Variants in SCAPER observed in about 807,000 individuals in gnomAD.
The protein encoded by SCAPER is S phase cyclin A-associated protein in the endoplasmic reticulum.
SCAPER carries 98 observed loss-of-function variants against 182.2 expected under a neutral mutation model. That is an observed-to-expected ratio of 0.54 (90% CI 0.46 to 0.64). SCAPER has a LOEUF of 0.64. Among genes scored for constraint, SCAPER ranks in the 30% least tolerant of loss-of-function variants. The pLI, the probability that SCAPER is intolerant of heterozygous loss-of-function variation, is 0.00. For missense variants in SCAPER, 1,432 were observed against 1,690.0 expected (o/e 0.85, Z 2.68); for synonymous variants, 605 against 564.6 (o/e 1.07, Z -1.01).
intron 20 of SCAPER, among the ~76,000 whole-genome samples, chr15:76,677,459 G>C (rs2057432486): frequency 6.6e-6 from 1 of 151,764 alleles, no homozygotes; most frequent in South Asian, 2.1e-4. Context: ...TTCCTAATTA[G>C]TAAAATTAAG....
In SCAPER at chr15:76,719,113, G is replaced by A. The variant is rs7177491; in HGVS notation, c.2165+9482C>T. ...ATATTTGCACTTCCATGTTTCCTAT[G>A]GCATTATTCATAATAGCCAAGATAT... On this transcript the variant is annotated intron_variant, in intron 17 of 31. Coordinates refer to ENST00000563290, the MANE Select transcript of SCAPER (RefSeq NM_020843.4). Among the ~76,000 whole-genome samples, 282 of 152,178 alleles carry A rather than the reference G, an allele frequency of 1.9e-3. 1 individual carries two copies. Among genetic ancestry groups the A allele is most frequent in the African/African-American group, 6.5e-3 (269 of 41,522 alleles).
chr15:76,759,761 T>C (rs2062666317), intron 14 of SCAPER, among the ~76,000 whole-genome samples: 1 of 152,200 alleles, frequency 6.6e-6, no homozygotes, highest in African/African-American at 2.4e-5. Flanking sequence ...TGTAGTATAT[T>C]GCATTTATAG....
chr15:76,899,741 C>T (rs2074653672), intron 1 of SCAPER, among the ~76,000 whole-genome samples: 1 of 151,458 alleles, frequency 6.6e-6, no homozygotes, highest in African/African-American at 2.4e-5. Flanking sequence ...GGCTGCCCAT[C>T]GTCTGGGATG....
chr15:76,849,333 C>G (rs879668713), intron 4 of SCAPER, among the ~76,000 whole-genome samples: 11 of 152,304 alleles, frequency 7.2e-5, no homozygotes, highest in Admixed American at 7.2e-4. Flanking sequence ...AAACGAAGAC[C>G]CAAAGTGCCT....
intron 1 of SCAPER, among the ~76,000 whole-genome samples, chr15:76,884,606 ACCT>A (rs1265193103): frequency 6.6e-6 from 1 of 152,136 alleles, no homozygotes; most frequent in Non-Finnish European, 1.5e-5. Context: ...ATGGAACCAA[ACCT>A]CCTTCTGGAA....
In SCAPER at chr15:76,687,551, G is replaced by C. The variant is rs145167282; in HGVS notation, c.2508+14207C>G. Among the ~76,000 whole-genome samples the C allele has an allele frequency of 1.3e-3, 203 of 152,142 alleles. 6 individuals carry two copies. In the East Asian group the frequency reaches 0.028, roughly 21 times the overall value. Reference sequence around the variant, plus strand: ...TGGCTTGCTGCCCCCATCAACCCATGATCTACATTAGGTATTTCTCCTAAT... The same window carrying C: ...TGGCTTGCTGCCCCCATCAACCCATCATCTACATTAGGTATTTCTCCTAAT... On this transcript the variant is annotated intron_variant, in intron 20 of 31. Transcript: ENST00000563290.
chr15:76,850,535 TA>T lies in SCAPER; in HGVS notation c.195+7273del, dbSNP rs369404414. On this transcript the variant is annotated intron_variant, in intron 4 of 31. Transcript: ENST00000563290. ...TAAAATGACCACATCAGTTCTTTAA[TA>T]AGGGTTCTTAACCAGGCTGAGCTGG... is the stretch of plus-strand genomic sequence containing the variant. 2.8e-3 allele frequency among the ~76,000 whole-genome samples: 426 copies of T among 152,296 alleles called. 1 individual carries two copies. The highest frequency in any genetic ancestry group is 9.9e-3 in the African/African-American group (412 of 41,552).
intron 26 of SCAPER, among the ~76,000 whole-genome samples, chr15:76,427,441 G>A (rs2046515007): frequency 6.6e-6 from 1 of 152,066 alleles, no homozygotes; most frequent in African/African-American, 2.4e-5. Flanking sequence ...ACATACAAAT[G>A]GCCAACAGGT....
chr15:76,815,692 T>C (rs2067018863), intron 5 of SCAPER, among the ~76,000 whole-genome samples: 1 of 152,166 alleles, frequency 6.6e-6, no homozygotes, highest in South Asian at 2.1e-4. Context: ...TAGATTCTCA[T>C]AGGAGCACAA....
intron 24 of SCAPER, among the ~76,000 whole-genome samples, chr15:76,495,831 A>G (rs1357060982): frequency 6.6e-6 from 1 of 152,154 alleles, no homozygotes; most frequent in Non-Finnish European, 1.5e-5. Flanking sequence ...TATTTTTCAA[A>G]TGCTGTTTCT....
chr15:76,571,030 A>G (rs953686870), intron 23 of SCAPER, among the ~76,000 whole-genome samples: 4 of 152,100 alleles, frequency 2.6e-5, no homozygotes, highest in African/African-American at 4.8e-5. Context: ...TATCTTTATG[A>G]AAGGAAAATC....
rs532345583 is a variant in SCAPER, at chr15:76,752,775, T to C, written c.1866+1033A>G. 1.2e-4 allele frequency among the ~76,000 whole-genome samples: 18 copies of C among 151,578 alleles called. No homozygotes were observed. The South Asian group carries it at 3.1e-3, about 26-fold the overall frequency. On this transcript the variant is annotated intron_variant, in intron 15 of 31. Transcript: ENST00000563290. ...AGTATAGAGTTTCAGTTTTACAAGATGAAAAAGAGTAATGAAGATACATGG... is the reference window on the plus strand; with the variant it reads ...AGTATAGAGTTTCAGTTTTACAAGACGAAAAAGAGTAATGAAGATACATGG...
chr15:76,632,910 G>A (rs2053247801), intron 21 of SCAPER, among the ~76,000 whole-genome samples: 1 of 151,720 alleles, frequency 6.6e-6, no homozygotes, highest in Admixed American at 6.6e-5. Context: ...GGTTAGCTGG[G>A]ATTACAGGCA....
At chr15:76,875,556 T>C (rs902070926) in intron 2 of SCAPER, among the ~76,000 whole-genome samples, 2 of 152,178 alleles carry the variant, frequency 1.3e-5, no homozygotes, top group African/African-American at 4.8e-5. Flanking sequence ...GGCATGAGAA[T>C]CACTTGAACC....
intron 24 of SCAPER, among the ~76,000 whole-genome samples, chr15:76,488,778 T>C (rs1440203277): frequency 7.6e-6 from 1 of 131,802 alleles, no homozygotes; most frequent in Non-Finnish European, 1.6e-5. Flanking sequence ...CAGGCTGGAG[T>C]GAAGTGGTGG....
intron 22 of SCAPER, among the ~76,000 whole-genome samples, chr15:76,597,247 C>T (rs1374110193): frequency 1.7e-5 from 2 of 120,926 alleles, no homozygotes; most frequent in African/African-American, 5.0e-5. Context: ...ACAACTTACA[C>T]GGGATGTGAA....
chr15:76,371,365 G>T (rs1437007424), intron 29 of SCAPER, among the ~76,000 whole-genome samples: 3 of 150,772 alleles, frequency 2.0e-5, no homozygotes, highest in African/African-American at 7.3e-5. Flanking sequence ...TGTCACCCAG[G>T]CTGGAGTGCA....
At chr15:76,376,413 G>A in intron 28 of SCAPER, 102 bp from the exon 29 acceptor site, 3 of 1,249,138 alleles carry the variant, frequency 2.4e-6, no homozygotes, top group South Asian at 3.2e-5. Context: ...CCATGGTGGT[G>A]GAAAAACATG....
chr15:76,804,757 C>T (rs2066029783), intron 5 of SCAPER, 124 bp from the exon 6 acceptor site: 6 of 480,938 alleles, frequency 1.2e-5, no homozygotes, highest in South Asian at 4.9e-5. Flanking sequence ...GAAAAAGCTG[C>T]GTAAGTTACA....
Sources: allele counts gnomAD v4.1 joint callset (sites outside exome capture counted in the v4.1 genomes callset), GRCh38; gene constraint gnomAD v4.1.1; transcripts MANE v1.5; gene names NCBI Gene and HGNC (gene_info 2026-07-23, HGNC 2026-07-21).